CHN1: variants seen among roughly 807,000 people sequenced by gnomAD.
CHN1 encodes the protein N-chimaerin.
Under a neutral mutation model 59.5 loss-of-function variants are expected in CHN1, and 37 were observed. The ratio of observed to expected loss-of-function variants is 0.62; its 90% CI spans 0.48 to 0.82. The LOEUF (loss-of-function observed/expected upper bound fraction) is 0.82. Among genes scored for constraint, CHN1 ranks in the 40% least tolerant of loss-of-function variants. The pLI is 0.00. For missense variants in CHN1, 469 were observed against 571.0 expected (o/e 0.82, Z 1.82); for synonymous variants, 206 against 200.4 (o/e 1.03, Z -0.24).
chr2:174,915,011 G>T (rs201893859), intron 5 of CHN1, 47 bp downstream of exon 5: 2 of 1,152,368 alleles, frequency 1.7e-6, no homozygotes, highest in Admixed American at 2.4e-5. Flanking sequence ...CCTATATTAA[G>T]AGAGTTTTAA....
intron 8 of CHN1, among the ~76,000 whole-genome samples, chr2:174,818,481 T>C (rs1574051043): frequency 6.6e-6 from 1 of 152,208 alleles, no homozygotes; most frequent in African/African-American, 2.4e-5. Flanking sequence ...TTCATACTTA[T>C]TTATTAAAGT....
At chr2:174,940,519 A>G (rs1212971457) in intron 3 of CHN1, among the ~76,000 whole-genome samples, 1 of 150,244 alleles carries the variant, frequency 6.7e-6, no homozygotes, top group Non-Finnish European at 1.5e-5. Flanking sequence ...TTAATTTTAT[A>G]TCATCCCACC....
intron 3 of CHN1, among the ~76,000 whole-genome samples, chr2:174,923,227 G>A (rs1189066381): frequency 6.6e-6 from 1 of 151,132 alleles, no homozygotes; most frequent in Non-Finnish European, 1.5e-5. Context: ...TGCAAGCTCC[G>A]CCTCCTGGGT....
chr2:174,976,440 T>C (rs1690944035), intron 1 of CHN1, among the ~76,000 whole-genome samples: 1 of 151,984 alleles, frequency 6.6e-6, no homozygotes, highest in African/African-American at 2.4e-5. Context: ...GGTTTCACCA[T>C]GTTGGCCAGC....
At chr2:174,996,640 G>A (rs1286027512) in intron 1 of CHN1, among the ~76,000 whole-genome samples, 1 of 152,014 alleles carries the variant, frequency 6.6e-6, no homozygotes, top group Non-Finnish European at 1.5e-5. Flanking sequence ...TACACTACAT[G>A]CTACGAAAGT....
At chr2:174,853,496 T>C (rs1686804529) in intron 6 of CHN1, among the ~76,000 whole-genome samples, 1 of 152,168 alleles carries the variant, frequency 6.6e-6, no homozygotes, top group African/African-American at 2.4e-5. Flanking sequence ...ACAATGTTGG[T>C]GGGAATATAA....
intron 3 of CHN1, 117 bp downstream of exon 3, chr2:174,944,771 C>G: frequency 1.6e-6 from 1 of 628,960 alleles, no homozygotes; most frequent in Non-Finnish European, 2.8e-6. Flanking sequence ...ATAATTTTAT[C>G]ATATCGATTA....
intron 6 of CHN1, among the ~76,000 whole-genome samples, chr2:174,850,566 C>T (rs916747122): frequency 6.6e-6 from 1 of 152,072 alleles, no homozygotes; most frequent in Non-Finnish European, 1.5e-5. Flanking sequence ...CAATAAATGA[C>T]AGGATTACAG....
intron 6 of CHN1, among the ~76,000 whole-genome samples, chr2:174,873,654 G>A (rs1687475548): frequency 6.6e-6 from 1 of 152,146 alleles, no homozygotes; most frequent in Non-Finnish European, 1.5e-5. Flanking sequence ...AAGAATTCAA[G>A]TAGTTATGGC....
rs975435700 is a variant in CHN1, at chr2:174,812,536, C to A, written c.713-54G>T. 40 of 1,574,680 alleles carry A rather than the reference C, an allele frequency of 2.5e-5. No individual in the cohort carries two copies. In the Admixed American group the frequency reaches 7.0e-4, roughly 27 times the overall value. ...TCAATATTATTTTCAGAGTTTTGAG[C>A]ATTCTGGAGTGTTAATTTTAGCAAA... On this transcript the variant is annotated intron_variant, in intron 8 of 12. Transcript: ENST00000409900.
At chr2:174,954,438 A>G (rs113199282) in intron 1 of CHN1, among the ~76,000 whole-genome samples, 2 of 152,236 alleles carry the variant, frequency 1.3e-5, no homozygotes, top group Non-Finnish European at 2.9e-5. Context: ...GCAAAGATAA[A>G]TAGATGGAAC....
rs1574196078 is a variant in CHN1 at position 174,944,744 on chromosome 2, A to G, written c.114+144T>C. The G allele has an allele frequency of 3.2e-5, 19 of 599,736 alleles. No individual in the cohort carries two copies. In the East Asian group the frequency reaches 5.0e-4, roughly 16 times the overall value. 37.2% of individuals were successfully genotyped at this position (599,736 alleles called of 1,614,324 possible). A position where few individuals can be genotyped will look rare whatever the true frequency, so the allele number is the denominator to read the frequency against. Reference sequence around the variant, plus strand: ...TAAATCAAATGAGAAGGATATTAAGAAAAATGTATTCAAGTTATAATTTTA... The same window carrying G: ...TAAATCAAATGAGAAGGATATTAAGGAAAATGTATTCAAGTTATAATTTTA... On this transcript the variant is annotated intron_variant, in intron 3 of 12. Coordinates refer to ENST00000409900, the MANE Select transcript of CHN1 (RefSeq NM_001822.7).
chr2:174,995,045 A>C (rs776594833), intron 1 of CHN1, among the ~76,000 whole-genome samples: 51 of 152,250 alleles, frequency 3.3e-4, no homozygotes, highest in Non-Finnish European at 1.2e-4. Flanking sequence ...AAATGTTTAG[A>C]TTGATTGAAG....
intron 5 of CHN1, among the ~76,000 whole-genome samples, chr2:174,894,074 T>TGACA (rs1688134401): frequency 6.6e-6 from 1 of 151,994 alleles, no homozygotes; most frequent in Admixed American, 6.6e-5. Flanking sequence ...TTCTTGGATA[T>TGACA]GACACCAAAA....
At chr2:174,990,275 G>A (rs1691500080) in intron 1 of CHN1, among the ~76,000 whole-genome samples, 1 of 132,760 alleles carries the variant, frequency 7.5e-6, no homozygotes, top group Non-Finnish European at 1.6e-5. Context: ...GAGAGAGAGA[G>A]AGAGAGAGAG....
intron 2 of CHN1, among the ~76,000 whole-genome samples, chr2:174,949,825 T>C (rs2105410393): frequency 6.6e-6 from 1 of 152,330 alleles, no homozygotes; most frequent in African/African-American, 2.4e-5. Context: ...TTTTTTCATG[T>C]GACAAATGAA....
At chr2:174,853,579 A>C (rs373175023) in intron 6 of CHN1, among the ~76,000 whole-genome samples, 9 of 152,334 alleles carry the variant, frequency 5.9e-5, no homozygotes, top group African/African-American at 2.2e-4. Context: ...CATTCGACCC[A>C]GCAATCCCAC....
intron 7 of CHN1, among the ~76,000 whole-genome samples, chr2:174,834,934 C>T (rs1686021906): frequency 6.6e-6 from 1 of 152,104 alleles, no homozygotes; most frequent in Non-Finnish European, 1.5e-5. Context: ...AGAAACCAAA[C>T]GTATGTATAA....
At chr2:174,971,312 C>T (rs1051563024) in intron 1 of CHN1, among the ~76,000 whole-genome samples, 3 of 151,614 alleles carry the variant, frequency 2.0e-5, no homozygotes, top group African/African-American at 7.3e-5. Context: ...AGCGTGACTC[C>T]GTCTCTTAAA....
Sources: gnomAD v4.1 joint callset for allele counts (sites outside exome capture counted in the v4.1 genomes callset) on GRCh38, gnomAD v4.1.1 for gene constraint, MANE v1.5 for transcripts, NCBI Gene and HGNC (gene_info 2026-07-23, HGNC 2026-07-21) for gene names.